Variants in ZNF536 observed in about 807,000 individuals in gnomAD.
ZNF536 encodes the protein zinc finger protein 536.
A neutral mutation model predicts 84.5 loss-of-function variants in ZNF536; 13 were observed. The observed-to-expected ratio is 0.15, with a 90% confidence interval of 0.10 to 0.24. The LOEUF (loss-of-function observed/expected upper bound fraction) is 0.24. Among genes scored for constraint, ZNF536 ranks in the 10% least tolerant of loss-of-function variants. The probability of loss-of-function intolerance (pLI) is 1.00; values close to 1 mark genes in which losing one functional copy is unlikely to be tolerated. For missense variants in ZNF536, 1,536 were observed against 1,747.5 expected (o/e 0.88, Z 2.16); for synonymous variants, 811 against 742.5 (o/e 1.09, Z -1.50).
intron 2 of ZNF536, among the ~76,000 whole-genome samples, chr19:30,518,711 CT>C (rs1482231841): frequency 6.6e-6 from 1 of 152,144 alleles, no homozygotes; most frequent in East Asian, 1.9e-4. Flanking sequence ...GTGATGTTGC[CT>C]TTTATTCAGT....
intron 1 of ZNF536, among the ~76,000 whole-genome samples, chr19:30,420,595 G>T (rs765495884): frequency 5.3e-5 from 8 of 152,100 alleles, no homozygotes; most frequent in Middle Eastern, 3.4e-3. Flanking sequence ...AATCTCTAGC[G>T]TCAGAAGCAT....
At chr19:30,449,791 GTCT>G (rs1182919489) in intron 2 of ZNF536, among the ~76,000 whole-genome samples, 1 of 152,202 alleles carries the variant, frequency 6.6e-6, no homozygotes, top group Non-Finnish European at 1.5e-5. Flanking sequence ...GCCTTGCGAG[GTCT>G]TCTTTTGTTG....
At chr19:30,591,725 A>G (rs562618936) in intron 1 of ZNF536, among the ~76,000 whole-genome samples, 141 of 152,250 alleles carry the variant, frequency 9.3e-4, no homozygotes, top group Non-Finnish European at 3.1e-4. Context: ...GAGCAGTTTG[A>G]GGAAAGAAAA....
intron 1 of ZNF536, among the ~76,000 whole-genome samples, chr19:30,229,860 C>A (rs1023727891): frequency 2.0e-5 from 3 of 152,228 alleles, no homozygotes; most frequent in Non-Finnish European, 4.4e-5. Flanking sequence ...AGTCTCAGCA[C>A]TGGGCCTCTG....
rs144351134 is a variant in ZNF536 at position 30,325,189 on chromosome 19, C to T, written c.-119-27179C>T. On this transcript the variant is annotated intron_variant, in intron 2 of 5. Transcript: ENST00000585628. Reference sequence around the variant, plus strand: ...TGCACAGACGCCCGTCTAGGTCCTCCGCACTTTGCCTTCTGGGGGCTCCAG... The same window carrying T: ...TGCACAGACGCCCGTCTAGGTCCTCTGCACTTTGCCTTCTGGGGGCTCCAG... Among the ~76,000 whole-genome samples the T allele has an allele frequency of 2.9e-4, 44 of 152,332 alleles. 1 individual carries two copies. Among genetic ancestry groups the T allele is most frequent in the Middle Eastern group, 3.4e-3 (1 of 294 alleles).
At chr19:30,521,077 C>T (rs910019405) in intron 2 of ZNF536, among the ~76,000 whole-genome samples, 11 of 152,220 alleles carry the variant, frequency 7.2e-5, no homozygotes, top group Non-Finnish European at 1.3e-4. Context: ...TCCAACTTTA[C>T]CAACAAGGAA....
At chr19:30,559,019 C>T (rs188197810), downstream of ZNF536, among the ~76,000 whole-genome samples, 16 of 152,286 alleles carry the variant, frequency 1.1e-4, no homozygotes, top group South Asian at 1.5e-3. Context: ...ACATTTCTTC[C>T]GGTATTTCTC....
intron 1 of ZNF536, among the ~76,000 whole-genome samples, chr19:30,276,640 G>A (rs550399956): frequency 3.5e-4 from 54 of 152,216 alleles, no homozygotes; most frequent in Non-Finnish European, 3.8e-4. Flanking sequence ...GTAATGTGTG[G>A]GTTGTTTGAA....
At chr19:30,264,945 G>T (rs1267364367) in intron 1 of ZNF536, among the ~76,000 whole-genome samples, 1 of 97,988 alleles carries the variant, frequency 1.0e-5, no homozygotes, top group Non-Finnish European at 1.8e-5. Flanking sequence ...GTGTGTGTGT[G>T]TGTGTGTGTG....
intron 2 of ZNF536, among the ~76,000 whole-genome samples, chr19:30,531,870 C>A (rs1325590877): frequency 6.6e-6 from 1 of 151,716 alleles, no homozygotes; most frequent in African/African-American, 2.4e-5. Flanking sequence ...AGTGATCTAC[C>A]CACCTCGGTG....
In ZNF536 at chr19:30,603,057, G is replaced by A. The variant is rs186490108; in HGVS notation, c.169+53543G>A. Reference sequence around the variant, plus strand: ...TGTCCAGGTGGGTCCTCCTCCTCCAGCCCGTGTGACGTTCTACCTTGTGCT... The same window carrying A: ...TGTCCAGGTGGGTCCTCCTCCTCCAACCCGTGTGACGTTCTACCTTGTGCT... On this transcript the variant is annotated intron_variant, in intron 1 of 1. Coordinates refer to the ZNF536 transcript ENST00000592773. 1.0e-3 allele frequency among the ~76,000 whole-genome samples: 159 copies of A among 152,326 alleles called. 1 individual carries two copies. Among genetic ancestry groups the A allele is most frequent in the African/African-American group, 3.7e-3 (155 of 41,588 alleles).
chr19:30,388,589 C>T (rs1166192393), intron 1 of ZNF536, among the ~76,000 whole-genome samples: 1 of 152,184 alleles, frequency 6.6e-6, no homozygotes, highest in African/African-American at 2.4e-5. Context: ...GGCAGGGCTT[C>T]TTCAACTTCT....
At chr19:30,232,762 G>A (rs1407208354) in intron 1 of ZNF536, among the ~76,000 whole-genome samples, 1 of 152,152 alleles carries the variant, frequency 6.6e-6, no homozygotes, top group East Asian at 1.9e-4. Context: ...AGATGAACCT[G>A]GGCATCATTT....
At chr19:30,361,846 C>A (rs1375035763) in intron 3 of ZNF536, among the ~76,000 whole-genome samples, 1 of 152,154 alleles carries the variant, frequency 6.6e-6, no homozygotes, top group African/African-American at 2.4e-5. Context: ...TCCCACATCA[C>A]TTCAGGGTCC....
At chr19:30,617,194 T>G (rs1374855368) in intron 1 of ZNF536, among the ~76,000 whole-genome samples, 1 of 151,622 alleles carries the variant, frequency 6.6e-6, no homozygotes, top group Non-Finnish European at 1.5e-5. Context: ...GGGTAAGTTC[T>G]TTAGTGGTGA....
chr19:30,638,255 G>T (rs557279413), intron 1 of ZNF536, among the ~76,000 whole-genome samples: 1 of 152,302 alleles, frequency 6.6e-6, no homozygotes, highest in South Asian at 2.1e-4. Context: ...GGACTTTTAA[G>T]GTCTTAACAT....
chr19:30,327,766 T>C (rs4805546), intron 2 of ZNF536, among the ~76,000 whole-genome samples: 106,379 of 152,108 alleles, frequency 0.7, 38,172 homozygotes, highest in African/African-American at 0.86. Flanking sequence ...TTGGATCTCC[T>C]AAGACCCTGG....
chr19:30,475,862 A>G (rs2053824892), intron 2 of ZNF536, among the ~76,000 whole-genome samples: 1 of 152,114 alleles, frequency 6.6e-6, no homozygotes, highest in Admixed American at 6.5e-5. Context: ...GCCCACATCT[A>G]AAGGTATGGG....
chr19:30,351,646 A>C (rs528269753), intron 2 of ZNF536, among the ~76,000 whole-genome samples: 1 of 152,358 alleles, frequency 6.6e-6, no homozygotes, highest in Admixed American at 6.5e-5. Context: ...TCTGATTTAT[A>C]CAAGAAACCC....
Sources: gnomAD v4.1 joint callset for allele counts (sites outside exome capture counted in the v4.1 genomes callset) on GRCh38, gnomAD v4.1.1 for gene constraint, MANE v1.5 for transcripts, NCBI Gene and HGNC (gene_info 2026-07-23, HGNC 2026-07-21) for gene names.